Variants in SPATA16 observed in about 807,000 individuals in gnomAD.
SPATA16 encodes spermatogenesis associated 16, also known as spermatogenesis-associated protein 16.
SPATA16 carries 36 observed loss-of-function variants against 63.3 expected under a neutral mutation model. The observed-to-expected ratio is 0.57, with a 90% CI of 0.44 to 0.75. The LOEUF (loss-of-function observed/expected upper bound fraction) is 0.75, where lower values mean the gene tolerates loss of function less well. Among genes scored for constraint, SPATA16 ranks in the 30% least tolerant of loss-of-function variants. The pLI is 0.00. For synonymous variants in SPATA16, 203 were observed against 216.7 expected, an observed-to-expected ratio of 0.94 and a Z score of 0.56; for missense variants, 646 against 679.3, an observed-to-expected ratio of 0.95 and a Z score of 0.54.
At chr3:173,084,900 A>C (rs140305787) in intron 2 of SPATA16, among the ~76,000 whole-genome samples, 5 of 152,034 alleles carry the variant, frequency 3.3e-5, no homozygotes, top group Admixed American at 3.3e-4. Context: ...TACCAGTACC[A>C]TGCTGTTTTG....
At chr3:172,968,840 C>T (rs910089012) in intron 5 of SPATA16, among the ~76,000 whole-genome samples, 3 of 152,208 alleles carry the variant, frequency 2.0e-5, no homozygotes, top group Admixed American at 6.5e-5. Context: ...ACACAGGCAG[C>T]ATTTAACAAC....
chr3:173,008,264 T>C (rs1734988025), intron 4 of SPATA16, among the ~76,000 whole-genome samples: 1 of 152,172 alleles, frequency 6.6e-6, no homozygotes, highest in Admixed American at 6.5e-5. Context: ...TAAGCATATT[T>C]ATTTACAAAA....
At chr3:173,129,177 G>C (rs927876066) in intron 1 of SPATA16, among the ~76,000 whole-genome samples, 1 of 152,230 alleles carries the variant, frequency 6.6e-6, no homozygotes, top group African/African-American at 2.4e-5. Flanking sequence ...AATGGATTGT[G>C]CTTCACAGGA....
intron 8 of SPATA16, 149 bp from the exon 9 acceptor site, chr3:172,916,630 C>T (rs1732496357): frequency 1.1e-6 from 1 of 900,888 alleles, no homozygotes. Flanking sequence ...TACCATTTTA[C>T]AGAATTGTCT....
intron 6 of SPATA16, among the ~76,000 whole-genome samples, chr3:172,943,292 C>G (rs1733202155): frequency 6.6e-6 from 1 of 152,156 alleles, no homozygotes; most frequent in African/African-American, 2.4e-5. Context: ...TATCAAAGAT[C>G]TACAGCAAAC....
chr3:173,048,033 C>A (rs909770536), intron 3 of SPATA16, among the ~76,000 whole-genome samples: 5 of 152,058 alleles, frequency 3.3e-5, no homozygotes, highest in African/African-American at 1.2e-4. Context: ...TAATAAATCT[C>A]CCATTTACAA....
At chr3:173,057,825 A>G (rs925273387) in intron 2 of SPATA16, among the ~76,000 whole-genome samples, 4 of 152,208 alleles carry the variant, frequency 2.6e-5, no homozygotes, top group African/African-American at 9.7e-5. Context: ...AAACAAATAG[A>G]ATTTGTATTT....
intron 6 of SPATA16, among the ~76,000 whole-genome samples, chr3:172,932,479 TCA>T (rs1171215621): frequency 2.0e-5 from 3 of 152,186 alleles, no homozygotes; most frequent in African/African-American, 7.2e-5. Context: ...TTTTTACTGA[TCA>T]GTTTCAGACT....
At chr3:172,913,878 A>G in intron 9 of SPATA16, 134 bp from the exon 10 acceptor site, 1 of 753,352 alleles carries the variant, frequency 1.3e-6, no homozygotes, top group Non-Finnish European at 2.3e-6. Flanking sequence ...TACAATGAAT[A>G]TTGCCACCTC....
chr3:172,928,202 C>T (rs959398915), intron 6 of SPATA16, among the ~76,000 whole-genome samples: 9 of 152,186 alleles, frequency 5.9e-5, no homozygotes, highest in African/African-American at 2.2e-4. Context: ...AGCCACTGCA[C>T]CTAGCCTTAG....
At chr3:173,125,952 A>G (rs1738215529) in intron 1 of SPATA16, among the ~76,000 whole-genome samples, 1 of 152,220 alleles carries the variant, frequency 6.6e-6, no homozygotes, top group African/African-American at 2.4e-5. Context: ...TCACTTTACA[A>G]AAGCTGAAAA....
At chr3:173,137,217 A>G (rs1878005) in intron 1 of SPATA16, among the ~76,000 whole-genome samples, 31,977 of 152,166 alleles carry the variant, frequency 0.21, 3,702 homozygotes, top group African/African-American at 0.29. Flanking sequence ...GCCTAGAGGA[A>G]GAGATGAATC....
At chr3:172,946,367 G>C (rs1273815327) in intron 6 of SPATA16, among the ~76,000 whole-genome samples, 5 of 152,188 alleles carry the variant, frequency 3.3e-5, no homozygotes, top group African/African-American at 1.2e-4. Context: ...GCTTGGGCAA[G>C]AGCTTAGTCA....
intron 2 of SPATA16, among the ~76,000 whole-genome samples, chr3:173,054,151 G>C (rs557671429): frequency 2.0e-5 from 3 of 151,844 alleles, no homozygotes; most frequent in Non-Finnish European, 2.9e-5. Flanking sequence ...GCAAATGACA[G>C]AAATATTAGA....
At chr3:173,079,852 G>A (rs934650551) in intron 2 of SPATA16, among the ~76,000 whole-genome samples, 1 of 149,032 alleles carries the variant, frequency 6.7e-6, no homozygotes, top group Admixed American at 6.7e-5. Context: ...CTCTTCTACT[G>A]TTTTTTTTTT....
chr3:173,035,489 G>C (rs998292559), intron 3 of SPATA16, among the ~76,000 whole-genome samples: 2 of 152,056 alleles, frequency 1.3e-5, no homozygotes, highest in African/African-American at 4.8e-5. Flanking sequence ...CTGTAAATTA[G>C]CTTGGCTAAA....
At chr3:172,957,315 T>TA (rs913068986) in intron 5 of SPATA16, among the ~76,000 whole-genome samples, 257 of 151,610 alleles carry the variant, frequency 1.7e-3, no homozygotes, top group African/African-American at 5.2e-3. Context: ...CTTTTGGAAT[T>TA]AAAAAAAAAT....
chr3:173,058,212 A>G (rs752696561), intron 2 of SPATA16, among the ~76,000 whole-genome samples: 1 of 152,098 alleles, frequency 6.6e-6, no homozygotes, highest in Non-Finnish European at 1.5e-5. Context: ...TTTCATGTTA[A>G]TAAATATATA....
chr3:172,906,406 C>A (rs773771741), intron 10 of SPATA16, among the ~76,000 whole-genome samples: 1 of 152,194 alleles, frequency 6.6e-6, no homozygotes, highest in Middle Eastern at 3.2e-3. Flanking sequence ...GGATCCTATA[C>A]AAGTAAGTTA....
Sources: gnomAD v4.1 joint callset for allele counts (sites outside exome capture counted in the v4.1 genomes callset) on GRCh38, gnomAD v4.1.1 for gene constraint, MANE v1.5 for transcripts, NCBI Gene and HGNC (gene_info 2026-07-23, HGNC 2026-07-21) for gene names.